KCNMA1: variants seen among roughly 807,000 people sequenced by gnomAD.
KCNMA1 encodes Calcium-activated potassium channel subunit alpha-1.
In KCNMA1, 29 loss-of-function variants were observed where a neutral mutation model predicts 140.0. The ratio of observed to expected loss-of-function variants is 0.21; its 90% CI spans 0.15 to 0.28. The LOEUF (loss-of-function observed/expected upper bound fraction) is 0.28, where lower values mean the gene tolerates loss of function less well. Ranked by LOEUF, KCNMA1 falls within the 10% of genes least tolerant of loss-of-function variation. The probability of loss-of-function intolerance (pLI) is 1.00; values close to 1 mark genes in which losing one functional copy is unlikely to be tolerated. For synonymous variants in KCNMA1, 612 were observed against 611.9 expected (o/e 1.00, Z 0.00); for missense variants, 880 against 1,602.2 (o/e 0.55, Z 7.70).
At chr10:77,608,181 C>CT (rs1310964835) in intron 1 of KCNMA1, among the ~76,000 whole-genome samples, 6 of 151,660 alleles carry the variant, frequency 4.0e-5, no homozygotes, top group Non-Finnish European at 5.9e-5. Flanking sequence ...GATCTCATTT[C>CT]TTTTTTTTGG....
rs58950492 is a variant in KCNMA1 at position 77,156,227 on chromosome 10, TA to T, written c.808+27193del. On this transcript the variant is annotated intron_variant, in intron 5 of 27. Transcript: ENST00000286628. ...TGGGTGACAGAGCGAGACTCCATCT[TA>T]AAAAAAAAAAAAAAAAAAAAAAAAA... 2.3e-3 allele frequency among the ~76,000 whole-genome samples: 273 copies of T among 120,548 alleles called. 2 individuals carry two copies. The highest frequency in any genetic ancestry group is 3.7e-3 in the African/African-American group (115 of 30,670). The allele number at this position is 120,548 out of a possible 152,430, so 79.1% of individuals were successfully genotyped here. A position where few individuals can be genotyped will look rare whatever the true frequency, so the allele number is the denominator to read the frequency against.
At chr10:77,102,677 T>A (rs10824489) in intron 9 of KCNMA1, among the ~76,000 whole-genome samples, 28,298 of 152,160 alleles carry the variant, frequency 0.19, 3,126 homozygotes, top group Middle Eastern at 0.26. Flanking sequence ...TAGTGGGTAA[T>A]GCAAGCTGGG....
intron 1 of KCNMA1, among the ~76,000 whole-genome samples, chr10:77,555,449 C>A (rs1350895528): frequency 6.6e-6 from 1 of 152,136 alleles, no homozygotes; most frequent in Non-Finnish European, 1.5e-5. Context: ...GAAGAGCCAA[C>A]CTCTCTTCTA....
intron 22 of KCNMA1, among the ~76,000 whole-genome samples, chr10:76,947,732 G>A (rs889090691): frequency 2.6e-5 from 4 of 152,178 alleles, no homozygotes; most frequent in Non-Finnish European, 5.9e-5. Flanking sequence ...ATAACTGTCC[G>A]ATCTTTTTCT....
chr10:77,128,063 A>G (rs2097779235), intron 5 of KCNMA1, among the ~76,000 whole-genome samples: 1 of 152,126 alleles, frequency 6.6e-6, no homozygotes, highest in African/African-American at 2.4e-5. Context: ...TTGCTTTTCT[A>G]TCTTAACAAA....
At chr10:76,920,879 G>GTTGTTGTAGTTATGCTTA (rs2055466941) in intron 23 of KCNMA1, among the ~76,000 whole-genome samples, 1 of 152,150 alleles carries the variant, frequency 6.6e-6, no homozygotes, top group African/African-American at 2.4e-5. Context: ...TAACAACTGG[G>GTTGTTGTAGTTATGCTTA]ACCCATTGTA....
chr10:77,516,559 C>T (rs1365224989), intron 1 of KCNMA1, among the ~76,000 whole-genome samples: 2 of 152,200 alleles, frequency 1.3e-5, no homozygotes, highest in African/African-American at 2.4e-5. Flanking sequence ...AGTGGTTACC[C>T]GAATGAATTT....
chr10:77,591,745 G>A (rs2079240517), intron 1 of KCNMA1, among the ~76,000 whole-genome samples: 1 of 152,274 alleles, frequency 6.6e-6, no homozygotes, highest in South Asian at 2.1e-4. Context: ...AGCCTGGATC[G>A]CACATGCCCA....
intron 15 of KCNMA1, among the ~76,000 whole-genome samples, chr10:77,030,958 G>T (rs2093892214): frequency 6.6e-6 from 1 of 152,202 alleles, no homozygotes; most frequent in South Asian, 2.1e-4. Context: ...AGAGAACATA[G>T]GCAAGCCGTG....
intron 23 of KCNMA1, among the ~76,000 whole-genome samples, chr10:76,938,186 C>CA (rs1279642615): frequency 6.6e-6 from 1 of 152,186 alleles, no homozygotes; most frequent in Admixed American, 6.5e-5. Context: ...AGCAATGGGC[C>CA]AGATTGCTAG....
chr10:77,572,025 G>A (rs2071570459), intron 1 of KCNMA1, among the ~76,000 whole-genome samples: 1 of 152,204 alleles, frequency 6.6e-6, no homozygotes, highest in Non-Finnish European at 1.5e-5. Flanking sequence ...AGTTCCAATT[G>A]AGGAGCATCT....
intron 9 of KCNMA1, among the ~76,000 whole-genome samples, chr10:77,103,147 T>A (rs1457373576): frequency 6.6e-6 from 1 of 152,246 alleles, no homozygotes; most frequent in African/African-American, 2.4e-5. Flanking sequence ...TGGAATCCTC[T>A]TTAAAATATG....
At chr10:77,448,736 T>C (rs1289543626) in intron 1 of KCNMA1, among the ~76,000 whole-genome samples, 3 of 152,198 alleles carry the variant, frequency 2.0e-5, no homozygotes, top group Non-Finnish European at 4.4e-5. Flanking sequence ...AAAAAGAATT[T>C]ATGGGCAAGA....
At chr10:77,102,255 A>G (rs1168922347) in intron 9 of KCNMA1, among the ~76,000 whole-genome samples, 1 of 152,216 alleles carries the variant, frequency 6.6e-6, no homozygotes, top group Non-Finnish European at 1.5e-5. Context: ...GGCACACTAG[A>G]CAATTTAAAA....
At chr10:77,168,013 A>G (rs1202344636) in intron 5 of KCNMA1, among the ~76,000 whole-genome samples, 1 of 152,072 alleles carries the variant, frequency 6.6e-6, no homozygotes, top group Non-Finnish European at 1.5e-5. Flanking sequence ...CACTTGCTTC[A>G]TCTTGCTCCT....
Position 77,403,900 on chromosome 10 carries a change from C to T in KCNMA1, c.502G>A (p.Val168Met), listed in dbSNP as rs1382430237. The change falls in exon 2 of 28, where the codon GTG becomes ATG. Residue 168 changes from valine (V) to methionine (M), a missense_variant. By Grantham distance (21) the Val-to-Met change is conservative (BLOSUM62 1). This residue lies in a region of KCNMA1 where 198 missense variants were observed against 580.1 expected (regional missense o/e 0.34). Coordinates refer to ENST00000286628, the MANE Select transcript of KCNMA1 (RefSeq NM_001161352.2). ...GTCAGTGTCTGGGCGGATATCATCA[C>T]CCCCGCCCAGTCCTTCACGGAGGTC... ...WMTSVKDWAG[V>M]MISAQTLTGR... The T allele has an allele frequency of 6.2e-7, 1 of 1,613,886 alleles. No homozygotes were observed. Among genetic ancestry groups the T allele is most frequent in the African/African-American group, 1.3e-5 (1 of 74,936 alleles).
At chr10:77,394,603 C>T (rs1287657855) in intron 2 of KCNMA1, among the ~76,000 whole-genome samples, 1 of 152,228 alleles carries the variant, frequency 6.6e-6, no homozygotes. Context: ...CATATGTTCA[C>T]CCCAGCTGGG....
chr10:77,060,111 A>T (rs2095683611), intron 14 of KCNMA1, among the ~76,000 whole-genome samples: 1 of 152,228 alleles, frequency 6.6e-6, no homozygotes, highest in Non-Finnish European at 1.5e-5. Flanking sequence ...GGAAGATACG[A>T]CATAGTAAAG....
At chr10:77,438,825 C>T (rs2097317650) in intron 1 of KCNMA1, among the ~76,000 whole-genome samples, 1 of 152,036 alleles carries the variant, frequency 6.6e-6, no homozygotes, top group Non-Finnish European at 1.5e-5. Context: ...GCCTGTAATC[C>T]CAGCACTTTG....
Sources: allele counts gnomAD v4.1 joint callset (sites outside exome capture counted in the v4.1 genomes callset), GRCh38; gene constraint gnomAD v4.1.1; regional missense constraint gnomAD v4.1.1; transcripts MANE v1.5; gene names NCBI Gene and HGNC (gene_info 2026-07-23, HGNC 2026-07-21).